NRG3: variants seen among roughly 807,000 people sequenced by gnomAD.
NRG3 encodes the protein pro-neuregulin-3, membrane-bound isoform.
In NRG3, 31 loss-of-function variants were observed where a neutral mutation model predicts 66.9. That is an observed-to-expected ratio of 0.46 (90% CI 0.35 to 0.63). The LOEUF (loss-of-function observed/expected upper bound fraction) is 0.63. Ranked by LOEUF, NRG3 falls within the 20% of genes least tolerant of loss-of-function variation. The probability of loss-of-function intolerance (pLI) is 0.00; values close to 1 mark genes in which losing one functional copy is unlikely to be tolerated. For missense variants in NRG3, 910 were observed against 878.9 expected (o/e 1.04, Z -0.45); for synonymous variants, 393 against 359.4 (o/e 1.09, Z -1.06).
At chr10:82,948,251 C>T (rs181613668) in intron 4 of NRG3, among the ~76,000 whole-genome samples, 22 of 152,100 alleles carry the variant, frequency 1.4e-4, no homozygotes, top group African/African-American at 2.4e-4. Flanking sequence ...TATTTCAGAA[C>T]GCTTTTATCT....
At chr10:82,373,757 C>T (rs1400426041) in intron 2 of NRG3, among the ~76,000 whole-genome samples, 1 of 152,178 alleles carries the variant, frequency 6.6e-6, no homozygotes, top group Non-Finnish European at 1.5e-5. Context: ...TAGTCACAAT[C>T]AAAATCACAT....
At chr10:82,117,755 G>T (rs1431238563) in intron 1 of NRG3, among the ~76,000 whole-genome samples, 1 of 152,058 alleles carries the variant, frequency 6.6e-6, no homozygotes. Context: ...ACAGAGTTTT[G>T]TAGCCCATGC....
intron 1 of NRG3, among the ~76,000 whole-genome samples, chr10:82,150,127 T>C (rs904994021): frequency 2.6e-5 from 4 of 152,072 alleles, no homozygotes; most frequent in African/African-American, 9.7e-5. Flanking sequence ...ACTAAAGGAT[T>C]AACAGGAGCC....
chr10:82,893,554 G>A (rs4509701), intron 4 of NRG3, among the ~76,000 whole-genome samples: 66,941 of 151,614 alleles, frequency 0.44, 15,130 homozygotes, highest in East Asian at 0.66. Context: ...TGGGTGTGTT[G>A]GCGTGTGCCT....
At chr10:82,142,181 T>C (rs894543047) in intron 1 of NRG3, among the ~76,000 whole-genome samples, 1 of 152,170 alleles carries the variant, frequency 6.6e-6, no homozygotes, top group Non-Finnish European at 1.5e-5. Flanking sequence ...GATTAACCTA[T>C]TTATACCAAA....
chr10:82,883,270 C>A (rs1162372401), intron 4 of NRG3, among the ~76,000 whole-genome samples: 1 of 151,776 alleles, frequency 6.6e-6, no homozygotes, highest in Admixed American at 6.6e-5. Flanking sequence ...CAATCAAATT[C>A]TTATTTCTGT....
intron 1 of NRG3, among the ~76,000 whole-genome samples, chr10:82,104,526 A>G (rs2066946093): frequency 6.6e-6 from 1 of 152,302 alleles, no homozygotes; most frequent in African/African-American, 2.4e-5. Flanking sequence ...CTTCAGTAAA[A>G]CTGTTCTTAG....
intron 1 of NRG3, among the ~76,000 whole-genome samples, chr10:82,274,242 T>A (rs952398954): frequency 5.9e-5 from 9 of 151,996 alleles, no homozygotes; most frequent in Admixed American, 3.3e-4. Flanking sequence ...TGTGAAAAAA[T>A]TTTAGCATAG....
chr10:82,985,780 T>C lies in NRG3; in HGVS notation c.*175T>C, dbSNP rs2132712808. ...AAAATATTTTTTTAAGGGAAAGAAA[T>C]GTTTCAGGAGGGATAAAGCTTACCA... On this transcript the variant is annotated 3_prime_UTR_variant, in exon 9 of 9. Transcript: ENST00000372141. 1.4e-6 allele frequency: 1 copy of C among 706,964 alleles called. No homozygotes were observed. Among genetic ancestry groups the C allele is most frequent in the East Asian group, 2.8e-5 (1 of 35,254 alleles). The allele number at this position is 706,964 out of a possible 1,614,324, so 43.8% of individuals were successfully genotyped here. A position where few individuals can be genotyped will look rare whatever the true frequency, so the allele number is the denominator to read the frequency against.
At chr10:82,922,458 T>C (rs1300305615) in intron 4 of NRG3, among the ~76,000 whole-genome samples, 1 of 152,204 alleles carries the variant, frequency 6.6e-6, no homozygotes, top group East Asian at 1.9e-4. Context: ...AGCAGGTTCT[T>C]GCATCAGATC....
At chr10:81,897,499 G>A (rs1436359290) in intron 1 of NRG3, among the ~76,000 whole-genome samples, 1 of 150,884 alleles carries the variant, frequency 6.6e-6, no homozygotes, top group East Asian at 2.0e-4. Context: ...GGAAAAACAG[G>A]AATGAATAAA....
At chr10:82,605,903 CTCTT>C (rs2047937096) in intron 2 of NRG3, among the ~76,000 whole-genome samples, 1 of 151,916 alleles carries the variant, frequency 6.6e-6, no homozygotes, top group Non-Finnish European at 1.5e-5. Context: ...ATCATGACCT[CTCTT>C]TCATTTCTAA....
chr10:82,229,082 A>G (rs548665260), intron 1 of NRG3: 25 of 152,336 alleles, frequency 1.6e-4, no homozygotes, highest in African/African-American at 6.0e-4. Flanking sequence ...GCCTCTGACA[A>G]TTACTGTTGT....
chr10:81,996,743 A>C (rs539839136), intron 1 of NRG3, among the ~76,000 whole-genome samples: 133 of 152,100 alleles, frequency 8.7e-4, no homozygotes, highest in Non-Finnish European at 1.6e-3. Flanking sequence ...GAGGAGGAAT[A>C]AGAGTGAGAA....
intron 2 of NRG3, among the ~76,000 whole-genome samples, chr10:82,515,530 C>G (rs2132485311): frequency 6.6e-6 from 1 of 152,236 alleles, no homozygotes; most frequent in Middle Eastern, 3.4e-3. Flanking sequence ...CAAATGGGAA[C>G]AAGGATGGGA....
intron 3 of NRG3, among the ~76,000 whole-genome samples, chr10:82,762,370 A>G (rs561776538): frequency 7.9e-5 from 12 of 152,290 alleles, no homozygotes; most frequent in Non-Finnish European, 1.5e-5. Flanking sequence ...TTCAAACGCT[A>G]ATTAAAAATA....
intron 2 of NRG3, among the ~76,000 whole-genome samples, chr10:82,704,241 A>G (rs1452843628): frequency 2.0e-5 from 3 of 152,122 alleles, no homozygotes. Flanking sequence ...CACAACACAC[A>G]CACACTCACA....
intron 2 of NRG3, among the ~76,000 whole-genome samples, chr10:82,524,990 TAGAA>T (rs1371372958): frequency 6.6e-6 from 1 of 151,954 alleles, no homozygotes; most frequent in Non-Finnish European, 1.5e-5. Context: ...ACTAATATGT[TAGAA>T]AGAGCCAATA....
intron 1 of NRG3, among the ~76,000 whole-genome samples, chr10:81,956,017 T>C (rs1849798579): frequency 6.6e-6 from 1 of 152,208 alleles, no homozygotes; most frequent in South Asian, 2.1e-4. Flanking sequence ...ATGTGGCAGA[T>C]TGTATTTCTC....
Sources: allele counts gnomAD v4.1 joint callset (sites outside exome capture counted in the v4.1 genomes callset), GRCh38; gene constraint gnomAD v4.1.1; transcripts MANE v1.5; gene names NCBI Gene and HGNC (gene_info 2026-07-23, HGNC 2026-07-21).